The following CDON variants were observed in gnomAD, a reference collection of about 807,000 sequenced individuals.
CDON encodes cell adhesion molecule-related/down-regulated by oncogenes.
CDON carries 73 observed loss-of-function variants against 120.9 expected under a neutral mutation model. The ratio of observed to expected loss-of-function variants is 0.60; its 90% confidence interval spans 0.50 to 0.73. CDON has a LOEUF of 0.73. Among genes scored for constraint, CDON ranks in the 30% least tolerant of loss-of-function variants. The pLI, the probability that CDON is intolerant of heterozygous loss-of-function variation, is 0.00. For synonymous variants in CDON, 566 were observed against 573.5 expected, an observed-to-expected ratio of 0.99 and a Z score of 0.19; for missense variants, 1,470 against 1,587.3, an observed-to-expected ratio of 0.93 and a Z score of 1.26.
intron 5 of CDON, 81 bp from the exon 6 acceptor site, chr11:126,017,456 AT>A: frequency 1.5e-6 from 2 of 1,322,762 alleles, no homozygotes; most frequent in Non-Finnish European, 2.2e-6. Context: ...GGGCATCACC[AT>A]TTTCCCATGT....
In CDON at chr11:125,959,996, C is replaced by T. The variant is rs371500727; in HGVS notation, c.*946G>A. 6.6e-6 allele frequency: 1 copy of T among 152,162 alleles called. No homozygotes were observed. The highest frequency in any genetic ancestry group is 2.4e-5 in the African/African-American group (1 of 41,432). 9.4% of individuals were successfully genotyped at this position (152,162 alleles called of 1,614,324 possible). A position where few individuals can be genotyped will look rare whatever the true frequency, so the allele number is the denominator to read the frequency against. ...CCTTGGTTCCTTTTCTGCATACTGC[C>T]GTAATTCATCAAGACCTTACACTCC... is the stretch of plus-strand genomic sequence containing the variant. On this transcript the variant is annotated 3_prime_UTR_variant, in exon 20 of 20. Transcript: ENST00000531738.
chr11:125,975,554 T>C lies in CDON; in HGVS notation c.3356+2750A>G, dbSNP rs570866728. ...ATATCCTACTATTCTCTAGTTGCACTTCACAGCCGATCAAATTATTCCAGC... is the reference window on the plus strand; with the variant it reads ...ATATCCTACTATTCTCTAGTTGCACCTCACAGCCGATCAAATTATTCCAGC... On this transcript the variant is annotated intron_variant, in intron 18 of 19. Transcript: ENST00000531738. 3.6e-4 allele frequency among the ~76,000 whole-genome samples: 55 copies of C among 152,342 alleles called. No homozygotes were observed. In the Middle Eastern group the frequency reaches 0.01, roughly 28 times the overall value.
Position 125,960,992 on chromosome 11 carries a change from T to G in CDON, c.3745A>C (p.Ile1249Leu). 1.2e-6 allele frequency: 2 copies of G among 1,614,194 alleles called. No homozygotes were observed. The highest frequency in any genetic ancestry group is 1.7e-6 in the Non-Finnish European group (2 of 1,180,028). Residue 1249 changes from isoleucine (I) to leucine (L), a missense_variant, in exon 20 of 20, where the codon ATT becomes CTT. Transcript: ENST00000531738. ...AEKTMWSPPG[I>L]PLDSPTEVLQ... ...ACCTCTGTCGGGCTGTCTAAAGGAA[T>G]GCCAGGTGGAGACCACATTGTCTTC...
chr11:126,015,522 A>G lies in CDON; in HGVS notation c.929-12T>C. 1 of 1,613,432 alleles carries G rather than the reference A, an allele frequency of 6.2e-7. No individual in the cohort carries two copies. Among genetic ancestry groups the G allele is most frequent in the African/African-American group, 1.3e-5 (1 of 75,034 alleles). Reference sequence around the variant, plus strand: ...AATGGAAGCATGTTCTGAAAATAAAACACACAAATTAAACTCTAGCCCTCA... The same window carrying G: ...AATGGAAGCATGTTCTGAAAATAAAGCACACAAATTAAACTCTAGCCCTCA... On this transcript the variant is annotated splice_polypyrimidine_tract_variant and intron_variant, in intron 6 of 19. Transcript: ENST00000531738.
chr11:125,995,168 T>C (rs1946746613), intron 12 of CDON, 116 bp from the exon 13 acceptor site: 1 of 833,246 alleles, frequency 1.2e-6, no homozygotes, highest in East Asian at 2.6e-5. Context: ...CTGAAGTACC[T>C]ATCTATACTA....
Position 125,989,699 on chromosome 11 carries a change from A to C in CDON, c.2711T>G (p.Met904Arg). The C allele has an allele frequency of 6.2e-7, 1 of 1,612,972 alleles. No individual in the cohort carries two copies. The highest frequency in any genetic ancestry group is 1.1e-5 in the South Asian group (1 of 91,064). ...TTCTCCTCCTTCATTGAAGCATTGC[A>C]TTTTAATGTCATAGGAGGTTTCTGG... ...LQPETSYDIK[M>R]QCFNEGGESE... is the part of the protein sequence containing the mutation. The change falls in exon 15 of 20, where the codon ATG becomes AGG. Residue 904 changes from methionine to arginine, a missense_variant. Transcript: ENST00000531738.
At position 125,978,444 on chromosome 11, in the gene CDON, G is replaced by A. The variant is rs1242744554; in HGVS notation, c.3277-61C>T. On this transcript the variant is annotated intron_variant, in intron 17 of 19. Transcript: ENST00000531738. ...AGAAGGAATGCTGAAGGTACTCACA[G>A]ACCAGTAGCCAAATAATCACAAATA... 5 of 1,032,184 alleles carry A rather than the reference G, an allele frequency of 4.8e-6. 1 individual carries two copies. The African/African-American group carries it at 7.9e-5, about 16-fold the overall frequency. The allele number at this position is 1,032,184 out of a possible 1,614,324, so 63.9% of individuals were successfully genotyped here.
chr11:126,005,899 C>T lies in CDON; in HGVS notation c.1711G>A (p.Ala571Thr), dbSNP rs373603972. ...GCATCAGGAACAGAGATGCCGCTGG[C>T]GTTTTTCTCTGGTGCTGATTCCACT... Reference protein sequence around the residue: ...SAVESAPEKNASGISVPDAPI... With the variant: ...SAVESAPEKNTSGISVPDAPI... Residue 571 changes from alanine (A) to threonine (T), a missense_variant, in exon 9 of 20, where the codon GCC becomes ACC. Physicochemically the swap from Ala to Thr is moderately conservative, Grantham distance 58. Transcript: ENST00000531738. 42 of 1,614,084 alleles carry T rather than the reference C, an allele frequency of 2.6e-5. No individual in the cohort carries two copies. The highest frequency in any genetic ancestry group is 1.6e-4 in the Middle Eastern group (1 of 6,062).
Position 126,017,261 on chromosome 11 carries a change from T to C in CDON, c.755A>G (p.Gln252Arg). The part of the protein sequence containing the change: ...ECVVSGVPAP[Q>R]VYWLKDGQDI... ...CTGCCCGTCCTTTAGCCAATACACT[T>C]GAGGAGCCGGGACCCCACTCACCAC... Residue 252 changes from glutamine to arginine, a missense_variant, in exon 6 of 20, where the codon CAA (glutamine) becomes CGA (arginine). By Grantham distance (43) the Gln-to-Arg change is conservative. Transcript: ENST00000531738. 6.2e-7 allele frequency: 1 copy of C among 1,613,966 alleles called. No individual in the cohort carries two copies. Among genetic ancestry groups the C allele is most frequent in the Non-Finnish European group, 8.5e-7 (1 of 1,179,986 alleles).
intron 18 of CDON, among the ~76,000 whole-genome samples, chr11:125,970,522 T>G (rs574734149): frequency 6.6e-6 from 1 of 152,270 alleles, no homozygotes; most frequent in East Asian, 1.9e-4. Flanking sequence ...CACTAGTCAC[T>G]GTGTCATTTT....
At chr11:126,013,149 G>C (rs1187388187) in intron 7 of CDON, among the ~76,000 whole-genome samples, 5 of 152,194 alleles carry the variant, frequency 3.3e-5, no homozygotes, top group Non-Finnish European at 7.3e-5. Context: ...TAAATAGGGT[G>C]AATGACACTC....
chr11:126,050,431 T>TGA (rs1948526488), intron 1 of CDON, among the ~76,000 whole-genome samples: 1 of 151,586 alleles, frequency 6.6e-6, no homozygotes, highest in African/African-American at 2.4e-5. Flanking sequence ...GCTCGATCAT[T>TGA]TAGTCTTCAT....
intron 11 of CDON, among the ~76,000 whole-genome samples, chr11:126,001,381 G>C (rs1013215428): frequency 1.3e-5 from 2 of 151,628 alleles, no homozygotes; most frequent in Non-Finnish European, 2.9e-5. Context: ...GTAGAGACAG[G>C]GTCTCCCCCT....
chr11:125,969,940 T>C (rs1945917237), intron 18 of CDON, among the ~76,000 whole-genome samples: 1 of 152,244 alleles, frequency 6.6e-6, no homozygotes, highest in Admixed American at 6.5e-5. Flanking sequence ...AAATATTTTC[T>C]AGAATGTATT....
At chr11:126,001,658 C>A (rs1946947386) in intron 11 of CDON, 61 bp downstream of exon 11, 2 of 1,507,654 alleles carry the variant, frequency 1.3e-6, no homozygotes, top group African/African-American at 2.7e-5. Context: ...ACCCCACCTC[C>A]CAAAATCTGA....
intron 2 of CDON, among the ~76,000 whole-genome samples, chr11:126,022,462 C>T (rs2134701533): frequency 1.3e-5 from 2 of 152,196 alleles, no homozygotes; most frequent in African/African-American, 4.8e-5. Context: ...TTCTATTACT[C>T]CAGGAACATG....
chr11:126,037,911 C>T (rs920527807), intron 1 of CDON, among the ~76,000 whole-genome samples: 7 of 152,186 alleles, frequency 4.6e-5, no homozygotes, highest in African/African-American at 1.2e-4. Context: ...CACACAAACA[C>T]TTAAAAGTTT....
chr11:126,025,149 G>A (rs953367002), intron 1 of CDON, among the ~76,000 whole-genome samples: 4 of 152,166 alleles, frequency 2.6e-5, no homozygotes, highest in East Asian at 3.9e-4. Flanking sequence ...AGGTTGCAGT[G>A]AGCCAAGATT....
chr11:126,054,962 A>G (rs1948649575), intron 1 of CDON, among the ~76,000 whole-genome samples: 1 of 152,236 alleles, frequency 6.6e-6, no homozygotes, highest in Admixed American at 6.5e-5. Context: ...AGCAGCCGGG[A>G]TGGCAGAAGC....
Sources: gnomAD v4.1 joint callset for allele counts (sites outside exome capture counted in the v4.1 genomes callset) on GRCh38, gnomAD v4.1.1 for gene constraint, MANE v1.5 for transcripts, NCBI Gene and HGNC (gene_info 2026-07-23, HGNC 2026-07-21) for gene names.